Variants in FILIP1 observed in about 807,000 individuals in gnomAD.
The protein encoded by FILIP1 is filamin A interacting protein 1, also known as filamin-A-interacting protein 1.
In FILIP1, 61 loss-of-function variants were observed where a neutral mutation model predicts 102.1. The observed-to-expected ratio is 0.60, with a 90% confidence interval of 0.49 to 0.74. FILIP1 has a LOEUF of 0.74. Ranked by LOEUF, FILIP1 falls within the 30% of genes least tolerant of loss-of-function variation. The pLI is 0.00. For missense variants in FILIP1, 1,314 were observed against 1,441.2 expected, an observed-to-expected ratio of 0.91 and a Z score of 1.43; for synonymous variants, 491 against 526.9, an observed-to-expected ratio of 0.93 and a Z score of 0.93.
intron 2 of FILIP1, among the ~76,000 whole-genome samples, chr6:75,382,105 C>T (rs1243236919): frequency 6.6e-6 from 1 of 152,232 alleles, no homozygotes; most frequent in East Asian, 1.9e-4. Context: ...TCCAATTTCC[C>T]CACACTACAT....
Position 75,414,980 on chromosome 6 carries a change from T to C in FILIP1, c.-6-2A>G. On this transcript the variant is annotated splice_acceptor_variant, in intron 1 of 5. Transcript: ENST00000237172. LOFTEE classifies it low-confidence loss of function (5UTR_SPLICE). The stretch of plus-strand genomic sequence containing the variant: ...TTGGTTTCGAGATCTCATTCCCACC[T>C]ACAACACATACATAAAAAAAGATAA... 1 of 1,605,022 alleles carries C rather than the reference T, an allele frequency of 6.2e-7. No homozygotes were observed.
chr6:75,315,253 T>G (rs771700997), intron 4 of FILIP1, 51 bp from the exon 5 acceptor site: 2 of 1,228,524 alleles, frequency 1.6e-6, no homozygotes, highest in South Asian at 1.8e-5. Context: ...GCAAACAGAT[T>G]TAAGCATTGA....
At chr6:75,457,106 C>T (rs759949234) in intron 1 of FILIP1, among the ~76,000 whole-genome samples, 21 of 152,120 alleles carry the variant, frequency 1.4e-4, no homozygotes, top group Admixed American at 1.2e-3. Flanking sequence ...ACATATTTTA[C>T]GAGTTTCAAC....
At position 75,331,754 on chromosome 6, in the gene FILIP1, C is replaced by T. The variant is rs1189283205; in HGVS notation, c.630-16552G>A. 8.0e-5 allele frequency among the ~76,000 whole-genome samples: 12 copies of T among 150,382 alleles called. No homozygotes were observed. The South Asian group carries it at 2.3e-3, about 29-fold the overall frequency. On this transcript the variant is annotated intron_variant, in intron 4 of 5. Coordinates refer to ENST00000237172, the MANE Select transcript of FILIP1 (RefSeq NM_015687.5). ...AGCTCCCATTCCTTCACTAGTCAGG[C>T]ACCCTTGTACACTACACCTTGTAAG... is the stretch of plus-strand genomic sequence containing the variant.
In FILIP1 at chr6:75,419,302, C is replaced by G. The variant is rs191661601; in HGVS notation, c.-6-4324G>C. Among the ~76,000 whole-genome samples the G allele has an allele frequency of 1.1e-4, 16 of 152,138 alleles. 1 individual carries two copies. The highest frequency in any genetic ancestry group is 3.6e-4 in the African/African-American group (15 of 41,524). ...GATTCAACATTGGTCAAAATACTCC[C>G]CATCCCACCACCAACAAAAACTTCT... is the stretch of plus-strand genomic sequence containing the variant. On this transcript the variant is annotated intron_variant, in intron 1 of 5. Coordinates refer to ENST00000237172, the MANE Select transcript of FILIP1 (RefSeq NM_015687.5).
chr6:75,455,295 T>C (rs769531915), intron 1 of FILIP1: 1 of 151,816 alleles, frequency 6.6e-6, no homozygotes. Context: ...CTCAACTCCA[T>C]CTTTGCCCAT....
chr6:75,314,803 C>G lies in FILIP1; in HGVS notation c.1029G>C (p.Glu343Asp). The change falls in exon 5 of 6, where the codon GAG becomes GAC. Residue 343 changes from glutamate to aspartate, a missense_variant. This residue lies in a region of FILIP1 where 494 missense variants were observed against 511.2 expected (regional missense o/e 0.97). Transcript: ENST00000237172. ...LKLVGLTQRI[E>D]ELEETNKNLQ... ...GATTTTTGTTGGTCTCTTCTAGCTC[C>G]TCGATTCTTTGGGTTAAGCCAACCA... The G allele has an allele frequency of 6.2e-7, 1 of 1,613,944 alleles. No homozygotes were observed. Among genetic ancestry groups the G allele is most frequent in the Non-Finnish European group, 8.5e-7 (1 of 1,179,996 alleles).
intron 2 of FILIP1, chr6:75,384,814 A>C (rs1171707260): frequency 8.0e-6 from 1 of 125,304 alleles, no homozygotes. Context: ...TTTTTTTTTG[A>C]GACAGGGTCT....
intron 2 of FILIP1, among the ~76,000 whole-genome samples, chr6:75,372,669 GA>G (rs1268790231): frequency 3.8e-4 from 22 of 57,150 alleles, no homozygotes; most frequent in African/African-American, 1.0e-3. Flanking sequence ...AAGAAAGAAA[GA>G]AAGAAAGAAA....
At chr6:75,416,110 A>C (rs1777260752) in intron 1 of FILIP1, among the ~76,000 whole-genome samples, 1 of 152,152 alleles carries the variant, frequency 6.6e-6, no homozygotes, top group South Asian at 2.1e-4. Context: ...ATTCCAGATA[A>C]AATATAGGGA....
intron 4 of FILIP1, among the ~76,000 whole-genome samples, chr6:75,335,504 T>C (rs1294399427): frequency 6.6e-6 from 1 of 150,948 alleles, no homozygotes; most frequent in African/African-American, 2.4e-5. Context: ...CTCCCTTCCT[T>C]CCTCCCTCCC....
At chr6:75,326,223 T>G (rs1773859792) in intron 4 of FILIP1, among the ~76,000 whole-genome samples, 1 of 152,026 alleles carries the variant, frequency 6.6e-6, no homozygotes, top group Non-Finnish European at 1.5e-5. Flanking sequence ...TTGGAAACCA[T>G]TATTCTAAGT....
chr6:75,452,545 A>G (rs1460189945), intron 1 of FILIP1, among the ~76,000 whole-genome samples: 1 of 152,162 alleles, frequency 6.6e-6, no homozygotes, highest in Non-Finnish European at 1.5e-5. Flanking sequence ...TCTTTGCTAT[A>G]TTATTGGATT....
chr6:75,388,781 A>G, intron 2 of FILIP1, among the ~76,000 whole-genome samples: 1 of 152,210 alleles, frequency 6.6e-6, no homozygotes, highest in East Asian at 1.9e-4. Context: ...TTGGGCTGAA[A>G]TGATGGGGTT....
intron 2 of FILIP1, among the ~76,000 whole-genome samples, chr6:75,404,268 C>A (rs113801219): frequency 6.6e-6 from 1 of 152,098 alleles, no homozygotes; most frequent in African/African-American, 2.4e-5. Flanking sequence ...ACAACACTGC[C>A]GTACCAGAAA....
chr6:75,326,083 T>G (rs1384664308), intron 4 of FILIP1, among the ~76,000 whole-genome samples: 1 of 139,490 alleles, frequency 7.2e-6, no homozygotes, highest in East Asian at 2.0e-4. Flanking sequence ...GATAGATAGA[T>G]AGATAGATAG....
intron 1 of FILIP1, among the ~76,000 whole-genome samples, chr6:75,490,425 T>G (rs955774948): frequency 6.6e-6 from 1 of 152,122 alleles, no homozygotes; most frequent in Non-Finnish European, 1.5e-5. Context: ...AAAATGTCTT[T>G]TTCAAAATAT....
intron 3 of FILIP1, among the ~76,000 whole-genome samples, chr6:75,355,419 A>C (rs1774957511): frequency 6.8e-6 from 1 of 146,532 alleles, no homozygotes; most frequent in African/African-American, 2.5e-5. Context: ...TTTGAGACCA[A>C]GTCTCACTCT....
chr6:75,429,618 A>G (rs1352661232), intron 1 of FILIP1, among the ~76,000 whole-genome samples: 3 of 152,196 alleles, frequency 2.0e-5, no homozygotes, highest in South Asian at 4.1e-4. Flanking sequence ...TGTTGGAACC[A>G]GAAGAGGTAG....
Sources: allele counts gnomAD v4.1 joint callset (sites outside exome capture counted in the v4.1 genomes callset), GRCh38; gene constraint gnomAD v4.1.1; regional missense constraint gnomAD v4.1.1; transcripts MANE v1.5; gene names NCBI Gene and HGNC (gene_info 2026-07-23, HGNC 2026-07-21).